SLC39A9: variants seen among roughly 807,000 people sequenced by gnomAD.
SLC39A9 encodes the protein zinc transporter ZIP9.
Under a neutral mutation model 28.4 loss-of-function variants are expected in SLC39A9, and 14 were observed. The ratio of observed to expected loss-of-function variants is 0.49; its 90% CI spans 0.33 to 0.77. SLC39A9 has a LOEUF of 0.77. SLC39A9 is among the 30% of genes least tolerant of loss of function. The probability of loss-of-function intolerance (pLI) is 0.02; values close to 1 mark genes in which losing one functional copy is unlikely to be tolerated. For synonymous variants in SLC39A9, 119 were observed against 149.6 expected (o/e 0.80, Z 1.49); for missense variants, 283 against 381.1 (o/e 0.74, Z 2.14).
At chr14:69,400,980 T>TAA (rs76895057) in intron 1 of SLC39A9, among the ~76,000 whole-genome samples, 55 of 134,654 alleles carry the variant, frequency 4.1e-4, no homozygotes, top group African/African-American at 1.5e-3. Context: ...CTCTTTCTCT[T>TAA]AAAAAAAAAA....
intron 3 of SLC39A9, among the ~76,000 whole-genome samples, chr14:69,444,615 A>G (rs939846172): frequency 6.6e-6 from 1 of 152,208 alleles, no homozygotes; most frequent in Non-Finnish European, 1.5e-5. Flanking sequence ...ACAAAACTAC[A>G]TATATGTTTA....
chr14:69,430,503 G>A (rs1055630685), intron 2 of SLC39A9, among the ~76,000 whole-genome samples: 7 of 152,004 alleles, frequency 4.6e-5, no homozygotes, highest in African/African-American at 1.7e-4. Flanking sequence ...TCTATTTCTG[G>A]ATTCTCTGTT....
At chr14:69,403,282 C>G (rs1215950233) in intron 1 of SLC39A9, among the ~76,000 whole-genome samples, 1 of 152,022 alleles carries the variant, frequency 6.6e-6, no homozygotes, top group East Asian at 1.9e-4. Context: ...GGTTGAGAGC[C>G]TATATTACCT....
chr14:69,456,084 G>T (rs1004713776), intron 6 of SLC39A9, among the ~76,000 whole-genome samples: 2 of 152,100 alleles, frequency 1.3e-5, no homozygotes, highest in African/African-American at 4.8e-5. Flanking sequence ...CTATCAATCA[G>T]TTCCAAGAAT....
chr14:69,458,923 A>C lies in SLC39A9; in HGVS notation c.*330A>C. 1 of 1,051,018 alleles carries C rather than the reference A, an allele frequency of 9.5e-7. No individual in the cohort carries two copies. 65.1% of individuals were successfully genotyped at this position (1,051,018 alleles called of 1,614,324 possible). A position where few individuals can be genotyped will look rare whatever the true frequency, so the allele number is the denominator to read the frequency against. On this transcript the variant is annotated 3_prime_UTR_variant, in exon 7 of 7. Transcript: ENST00000336643. ...AAAAGAGGAGAACTTCATACTCACAATGAAATAGTGATTATGAAAATACAG... is the reference window on the plus strand; with the variant it reads ...AAAAGAGGAGAACTTCATACTCACACTGAAATAGTGATTATGAAAATACAG...
chr14:69,403,765 C>T (rs1882763336), intron 1 of SLC39A9, among the ~76,000 whole-genome samples: 1 of 152,090 alleles, frequency 6.6e-6, no homozygotes, highest in South Asian at 2.1e-4. Context: ...CAAAGCAGGC[C>T]AGGCGTGGTG....
intron 1 of SLC39A9, among the ~76,000 whole-genome samples, chr14:69,409,284 T>G (rs1295534349): frequency 6.6e-6 from 1 of 152,234 alleles, no homozygotes; most frequent in Non-Finnish European, 1.5e-5. Flanking sequence ...TTTTATAACC[T>G]GGTAGTATAT....
rs1447446124 is a variant in SLC39A9, at chr14:69,459,559, T to G, written c.*966T>G. ...TGTATGGTTGTCCTTTTTTTTTGTT[T>G]TTTTTTTTTTTAATTATTTCTCTTA... is the stretch of plus-strand genomic sequence containing the variant. On this transcript the variant is annotated 3_prime_UTR_variant, in exon 7 of 7. Coordinates refer to ENST00000336643, the MANE Select transcript of SLC39A9 (RefSeq NM_018375.5). 25 of 968,460 alleles carry G rather than the reference T, an allele frequency of 2.6e-5. No individual in the cohort carries two copies. The highest frequency in any genetic ancestry group is 2.9e-5 in the Non-Finnish European group (24 of 815,470). The allele number at this position is 968,460 out of a possible 1,614,324, so 60.0% of individuals were successfully genotyped here.
chr14:69,451,630 T>C (rs567189721), intron 3 of SLC39A9, among the ~76,000 whole-genome samples: 10 of 152,198 alleles, frequency 6.6e-5, no homozygotes, highest in Non-Finnish European at 1.5e-4. Flanking sequence ...AGGTGGTGTA[T>C]AGAGGAACCT....
intron 3 of SLC39A9, among the ~76,000 whole-genome samples, chr14:69,446,647 T>C (rs1183572761): frequency 6.6e-6 from 1 of 151,446 alleles, no homozygotes; most frequent in Non-Finnish European, 1.5e-5. Flanking sequence ...CCTAGGCGGG[T>C]GCATCACCTG....
At chr14:69,427,520 T>C (rs564882661) in intron 2 of SLC39A9, among the ~76,000 whole-genome samples, 1 of 152,218 alleles carries the variant, frequency 6.6e-6, no homozygotes, top group Non-Finnish European at 1.5e-5. Flanking sequence ...GAGAGTGATG[T>C]TATCACCACT....
chr14:69,458,704 A>G lies in SLC39A9; in HGVS notation c.*111A>G, dbSNP rs567479245. On this transcript the variant is annotated 3_prime_UTR_variant, in exon 7 of 7. Coordinates refer to ENST00000336643, the MANE Select transcript of SLC39A9 (RefSeq NM_018375.5). ...CTTGTCTCACCTTGCGCATCTCTAC[A>G]TGTATTCCTAGAGTCCAGAGGGGAG... 91 of 1,439,802 alleles carry G rather than the reference A, an allele frequency of 6.3e-5. No homozygotes were observed. In the African/African-American group the frequency reaches 1.1e-3, roughly 18 times the overall value. The allele number at this position is 1,439,802 out of a possible 1,614,324, so 89.2% of individuals were successfully genotyped here.
At position 69,458,980 on chromosome 14, in the gene SLC39A9, T is replaced by G; in HGVS notation, c.*387T>G. ...GTAATTAAGCTATGTCTCTTTCTTC[T>G]TAGTTTAGAGGCTCTGCTACTTTAT... is the stretch of plus-strand genomic sequence containing the variant. On this transcript the variant is annotated 3_prime_UTR_variant, in exon 7 of 7. Transcript: ENST00000336643. 1 of 998,158 alleles carries G rather than the reference T, an allele frequency of 1.0e-6. No homozygotes were observed. The highest frequency in any genetic ancestry group is 1.2e-6 in the Non-Finnish European group (1 of 837,102). 61.8% of individuals were successfully genotyped at this position (998,158 alleles called of 1,614,324 possible). A position where few individuals can be genotyped will look rare whatever the true frequency, so the allele number is the denominator to read the frequency against.
chr14:69,399,330 T>G lies in SLC39A9; in HGVS notation c.-40T>G. On this transcript the variant is annotated 5_prime_UTR_variant, in exon 1 of 7. Coordinates refer to ENST00000336643, the MANE Select transcript of SLC39A9 (RefSeq NM_018375.5). The stretch of plus-strand genomic sequence containing the variant: ...AAGCACCATTTAAAGCCACTGGAAA[T>G]TTGTTGTCTAGTGGTTGTGGGTGAA... The G allele has an allele frequency of 1.3e-6, 2 of 1,569,360 alleles. No individual in the cohort carries two copies. Among genetic ancestry groups the G allele is most frequent in the Non-Finnish European group, 1.8e-6 (2 of 1,141,198 alleles).
At chr14:69,454,746 C>T in intron 4 of SLC39A9, 66 bp from the exon 5 acceptor site, 1 of 1,371,086 alleles carries the variant, frequency 7.3e-7, no homozygotes. Context: ...CTCATACACT[C>T]AACCACTACA....
At position 69,442,161 on chromosome 14, in the gene SLC39A9, G is replaced by C; in HGVS notation, c.298G>C (p.Asp100His). The C allele has an allele frequency of 6.2e-7, 1 of 1,614,158 alleles. No homozygotes were observed. Among genetic ancestry groups the C allele is most frequent in the East Asian group, 2.2e-5 (1 of 44,888 alleles). ...TGTCCATGAACATGAGCACAGCCAC[G>C]ACCACACACAGCTGCATGCCTATAT... ...SVVHEHEHSH[D>H]HTQLHAYIGV... Residue 100 changes from aspartate (D) to histidine (H), a missense_variant, in exon 3 of 7, where the codon GAC (aspartate) becomes CAC (histidine). Transcript: ENST00000336643.
At chr14:69,456,934 C>G (rs1462138217) in intron 6 of SLC39A9, among the ~76,000 whole-genome samples, 1 of 152,152 alleles carries the variant, frequency 6.6e-6, no homozygotes, top group Admixed American at 6.5e-5. Context: ...AGAGCCTTCT[C>G]TTCTTTCAGT....
chr14:69,404,211 G>C (rs747933084), intron 1 of SLC39A9, among the ~76,000 whole-genome samples: 1 of 152,180 alleles, frequency 6.6e-6, no homozygotes, highest in Non-Finnish European at 1.5e-5. Context: ...GCAACATAAG[G>C]AGACCTACTC....
chr14:69,456,017 C>A, intron 6 of SLC39A9, 151 bp downstream of exon 6: 1 of 851,776 alleles, frequency 1.2e-6, no homozygotes, highest in Non-Finnish European at 1.7e-6. Context: ...ATCTTAATTC[C>A]AATGCGTCCT....
Sources: allele counts gnomAD v4.1 joint callset (sites outside exome capture counted in the v4.1 genomes callset), GRCh38; gene constraint gnomAD v4.1.1; transcripts MANE v1.5; gene names NCBI Gene and HGNC (gene_info 2026-07-23, HGNC 2026-07-21).